The following GCNT2 variants were observed in gnomAD, a reference collection of about 807,000 sequenced individuals.
GCNT2 encodes the protein N-acetyllactosaminide beta-1,6-N-acetylglucosaminyl-transferase.
A neutral mutation model predicts 34.2 loss-of-function variants in GCNT2; 34 were observed. The ratio of observed to expected loss-of-function variants is 1.00; its 90% CI spans 0.76 to 1.32. The LOEUF is 1.32. Ranked by LOEUF, GCNT2 falls within the 40% of genes most tolerant of loss-of-function variation. The pLI is 0.00. For missense variants in GCNT2, 584 were observed against 489.4 expected (o/e 1.19, Z -1.82); for synonymous variants, 212 against 188.0 (o/e 1.13, Z -1.04).
chr6:10,609,582 T>A (rs936132767), intron 3 of GCNT2, among the ~76,000 whole-genome samples: 2 of 152,166 alleles, frequency 1.3e-5, no homozygotes, highest in Non-Finnish European at 2.9e-5. Context: ...AAAGCTCTTA[T>A]GTGTTGTGGT....
chr6:10,549,044 A>G (rs933808246), intron 3 of GCNT2, among the ~76,000 whole-genome samples: 1 of 152,188 alleles, frequency 6.6e-6, no homozygotes, highest in African/African-American at 2.4e-5. Context: ...GGAGTGTGCC[A>G]CCGCGCCCAG....
intron 3 of GCNT2, among the ~76,000 whole-genome samples, chr6:10,532,914 CTTTTTTT>C (rs67442555): frequency 4.7e-5 from 4 of 85,404 alleles, no homozygotes; most frequent in African/African-American, 1.4e-4. Context: ...GTGGTTTTTG[CTTTTTTT>C]TTTTTTTTTT....
intron 3 of GCNT2, among the ~76,000 whole-genome samples, chr6:10,558,331 T>G (rs1001858101): frequency 1.3e-5 from 2 of 152,210 alleles, no homozygotes; most frequent in Non-Finnish European, 2.9e-5. Flanking sequence ...GAAGCTTTAC[T>G]ATGGCACCAG....
At position 10,628,271 on chromosome 6, in the gene GCNT2, T is replaced by C. The variant is rs1193691447; in HGVS notation, c.*1664T>C. ...AATACTAAACCGTTGAGTTTCTAAA[T>C]ATTTATTTATTCTAACAAAAAGCAA... On this transcript the variant is annotated 3_prime_UTR_variant, in exon 5 of 5. Transcript: ENST00000495262. 3 of 152,652 alleles carry C rather than the reference T, an allele frequency of 2.0e-5. No homozygotes were observed. The highest frequency in any genetic ancestry group is 2.0e-4 in the Admixed American group (3 of 15,278). The allele number at this position is 152,652 out of a possible 1,614,324, so 9.5% of individuals were successfully genotyped here.
At chr6:10,556,245 C>A (rs927157872) in intron 3 of GCNT2, 1 of 1,459,758 alleles carries the variant, frequency 6.9e-7, no homozygotes, top group Admixed American at 2.6e-5. Context: ...GTAATATCGG[C>A]ACAGGGACAG....
At chr6:10,593,200 G>C (rs1317175047) in intron 3 of GCNT2, among the ~76,000 whole-genome samples, 1 of 152,180 alleles carries the variant, frequency 6.6e-6, no homozygotes, top group Non-Finnish European at 1.5e-5. Context: ...AACTGAACAT[G>C]AATTTAATTC....
chr6:10,548,765 C>CT (rs55678541), intron 3 of GCNT2, among the ~76,000 whole-genome samples: 3,929 of 145,608 alleles, frequency 0.027, 56 homozygotes, highest in South Asian at 0.049. Context: ...ATTTGGAGAC[C>CT]TTTTTTTTTT....
chr6:10,566,184 T>C (rs1763276589), intron 3 of GCNT2, among the ~76,000 whole-genome samples: 1 of 145,478 alleles, frequency 6.9e-6, no homozygotes, highest in Non-Finnish European at 1.5e-5. Flanking sequence ...GATGTGTGCT[T>C]TTTTTTTTTT....
chr6:10,542,663 G>T (rs1561787990), intron 3 of GCNT2, among the ~76,000 whole-genome samples: 1 of 152,132 alleles, frequency 6.6e-6, no homozygotes, highest in Non-Finnish European at 1.5e-5. Context: ...GTTCATCCGT[G>T]TTATCGCGTG....
intron 3 of GCNT2, among the ~76,000 whole-genome samples, chr6:10,592,781 C>T (rs1020235425): frequency 2.0e-5 from 3 of 152,070 alleles, no homozygotes; most frequent in Non-Finnish European, 2.9e-5. Context: ...ACCACTCTGT[C>T]GCCAGGATGG....
intron 4 of GCNT2, chr6:10,621,692 T>C: frequency 2.2e-6 from 1 of 454,654 alleles, no homozygotes; most frequent in East Asian, 4.6e-5. Context: ...GGCATGTTTT[T>C]CTTCCTGCTA....
At chr6:10,616,779 A>G (rs1446455030) in intron 3 of GCNT2, among the ~76,000 whole-genome samples, 1 of 151,948 alleles carries the variant, frequency 6.6e-6, no homozygotes, top group Admixed American at 6.6e-5. Flanking sequence ...ACAATCCCTT[A>G]GCTAGACATA....
intron 3 of GCNT2, among the ~76,000 whole-genome samples, chr6:10,562,417 G>A (rs917769691): frequency 2.0e-5 from 3 of 152,020 alleles, no homozygotes; most frequent in African/African-American, 7.2e-5. Context: ...GGCCCTGCTT[G>A]GTCCAAATTC....
intron 3 of GCNT2, among the ~76,000 whole-genome samples, chr6:10,537,719 A>AAC (rs1761834563): frequency 2.5e-5 from 3 of 119,674 alleles, no homozygotes; most frequent in African/African-American, 8.9e-5. Context: ...AAAAAAAAAA[A>AAC]AAAAAAACAA....
intron 3 of GCNT2, among the ~76,000 whole-genome samples, chr6:10,567,441 A>G (rs1410327367): frequency 6.6e-6 from 1 of 152,220 alleles, no homozygotes; most frequent in Non-Finnish European, 1.5e-5. Context: ...CTGGCAACAG[A>G]GCAAGATGCT....
intron 3 of GCNT2, chr6:10,556,792 TG>T: frequency 6.2e-7 from 1 of 1,614,138 alleles, no homozygotes; most frequent in Non-Finnish European, 8.5e-7. Context: ...ATATCTACTG[TG>T]TTCATGTGGA....
chr6:10,585,683 GGAGGCTTCCTA>G (rs1203610631), intron 3 of GCNT2: 9 of 865,572 alleles, frequency 1.0e-5, no homozygotes, highest in Non-Finnish European at 1.4e-5. Flanking sequence ...ATGTAAATGA[GGAGGCTTCCTA>G]GAGGCTGGAC....
rs113929825 is a variant in GCNT2, at chr6:10,529,232, C to G, written c.321C>G (p.Phe107Leu). Residue 107 changes from phenylalanine (F) to leucine (L), a missense_variant, in exon 3 of 5, where the codon TTC becomes TTG. Physicochemically the swap from Phe to Leu is conservative, Grantham distance 22. Coordinates refer to ENST00000495262, the MANE Select transcript of GCNT2 (RefSeq NM_145649.5). ...ACACAGTGACCATCCACAAAGACTT[C>G]GGCACTTTTGAGAGGCTCTTCAGGG... ...LAYTVTIHKD[F>L]GTFERLFRAI... The G allele has an allele frequency of 3.7e-6, 6 of 1,614,040 alleles. No individual in the cohort carries two copies. Among genetic ancestry groups the G allele is most frequent in the Non-Finnish European group, 5.1e-6 (6 of 1,180,000 alleles).
intron 3 of GCNT2, among the ~76,000 whole-genome samples, chr6:10,562,678 C>CA (rs970544728): frequency 2.1e-4 from 22 of 105,062 alleles, no homozygotes; most frequent in Non-Finnish European, 3.2e-4. Context: ...AAAAAAAAAA[C>CA]AAAAAAAAAC....
Sources: allele counts gnomAD v4.1 joint callset (sites outside exome capture counted in the v4.1 genomes callset), GRCh38; gene constraint gnomAD v4.1.1; transcripts MANE v1.5; gene names NCBI Gene and HGNC (gene_info 2026-07-23, HGNC 2026-07-21).